Variants in NINL observed in about 807,000 individuals in gnomAD.
NINL encodes the protein ninein-like protein.
Under a neutral mutation model 160.3 loss-of-function variants are expected in NINL, and 153 were observed. That is an observed-to-expected ratio of 0.95 (90% CI 0.84 to 1.09). The LOEUF is 1.09. NINL is among the 50% of genes least tolerant of loss of function. NINL has a pLI of 0.00. For synonymous variants in NINL, 800 were observed against 734.8 expected, an observed-to-expected ratio of 1.09 and a Z score of -1.43; for missense variants, 1,829 against 1,764.0, an observed-to-expected ratio of 1.04 and a Z score of -0.66.
chr20:25,503,833 G>A, intron 7 of NINL, 119 bp downstream of exon 7: 1 of 1,223,370 alleles, frequency 8.2e-7, no homozygotes, highest in Non-Finnish European at 1.2e-6. Context: ...TGCATGGCCT[G>A]TCCAGTTCTT....
chr20:25,493,005 G>A (rs1268912336), intron 10 of NINL, among the ~76,000 whole-genome samples: 3 of 152,120 alleles, frequency 2.0e-5, no homozygotes, highest in Non-Finnish European at 4.4e-5. Context: ...AGCTCTCAGG[G>A]CCACGTGGGT....
chr20:25,490,360 A>G (rs1441515035), intron 11 of NINL, among the ~76,000 whole-genome samples: 1 of 152,130 alleles, frequency 6.6e-6, no homozygotes, highest in African/African-American at 2.4e-5. Context: ...GGAGATCAAG[A>G]CCATCCTGGC....
chr20:25,545,179 TG>T (rs1180404239), intron 1 of NINL, among the ~76,000 whole-genome samples: 1 of 152,192 alleles, frequency 6.6e-6, no homozygotes, highest in East Asian at 1.9e-4. Flanking sequence ...AGTAAGGGAA[TG>T]GTTCTATTCC....
intron 16 of NINL, among the ~76,000 whole-genome samples, chr20:25,478,538 C>T (rs781003825): frequency 3.3e-5 from 5 of 152,224 alleles, no homozygotes; most frequent in Non-Finnish European, 5.9e-5. Context: ...CTCACTAACC[C>T]CAGCTGGCCA....
intron 1 of NINL, among the ~76,000 whole-genome samples, chr20:25,548,227 C>G (rs2064759204): frequency 6.6e-6 from 1 of 152,196 alleles, no homozygotes; most frequent in Non-Finnish European, 1.5e-5. Flanking sequence ...GCTGCTTATG[C>G]TCTCTGGGCC....
intron 1 of NINL, among the ~76,000 whole-genome samples, chr20:25,537,351 G>A (rs59546510): frequency 0.095 from 14,538 of 152,258 alleles, 1,145 homozygotes; most frequent in African/African-American, 0.21. Flanking sequence ...CCAGAGGGCT[G>A]GGATTACAGG....
At chr20:25,464,596 CATG>C (rs921072780) in intron 19 of NINL, among the ~76,000 whole-genome samples, 2 of 152,332 alleles carry the variant, frequency 1.3e-5, no homozygotes, top group African/African-American at 2.4e-5. Context: ...CAGGCGCACA[CATG>C]ATGTCTTCCC....
chr20:25,461,377 G>A, intron 21 of NINL, 145 bp downstream of exon 21: 3 of 568,530 alleles, frequency 5.3e-6, no homozygotes, highest in Non-Finnish European at 9.2e-6. Flanking sequence ...CTTCGGTCCT[G>A]GCCCGGTAAG....
intron 1 of NINL, among the ~76,000 whole-genome samples, chr20:25,531,639 T>C (rs1011763681): frequency 3.3e-5 from 5 of 152,198 alleles, no homozygotes; most frequent in Non-Finnish European, 5.9e-5. Flanking sequence ...AGACAAAACC[T>C]CCTGCATCGA....
At chr20:25,489,426 C>T in intron 12 of NINL, 102 bp from the exon 13 acceptor site, 1 of 921,900 alleles carries the variant, frequency 1.1e-6, no homozygotes, top group South Asian at 1.3e-5. Context: ...CTTCTGCCAA[C>T]ACCAGGCGCT....
At position 25,470,434 on chromosome 20, in the gene NINL, A is replaced by G. The variant is rs1220612087; in HGVS notation, c.3249-339T>C. 2.6e-5 allele frequency among the ~76,000 whole-genome samples: 4 copies of G among 152,362 alleles called. No homozygotes were observed. In the East Asian group the frequency reaches 7.7e-4, roughly 29 times the overall value. Reference sequence around the variant, plus strand: ...TCACCAAACGTGTGTCCTGGTTGCCAGTGCTGGGCGTGAGTCCTCAGGTAC... The same window carrying G: ...TCACCAAACGTGTGTCCTGGTTGCCGGTGCTGGGCGTGAGTCCTCAGGTAC... On this transcript the variant is annotated intron_variant, in intron 17 of 23. Transcript: ENST00000278886.
rs771586359 is a variant in NINL, at chr20:25,476,967, C to A, written c.2324G>T (p.Arg775Met). ...CCTCTCCAGCTCCAGCTGCTCCGAC[C>A]TCTGGCTCCCGCGTGGCAGGGGTCC... Reference protein sequence around the residue: ...PQGPLPRGSQRSEQLELERAL... With the variant: ...PQGPLPRGSQMSEQLELERAL... Residue 775 changes from arginine (R) to methionine (M), a missense_variant, in exon 17 of 24, where the codon AGG (arginine) becomes ATG (methionine). Transcript: ENST00000278886. 16 of 1,607,976 alleles carry A rather than the reference C, an allele frequency of 1.0e-5. No homozygotes were observed. Among genetic ancestry groups the A allele is most frequent in the African/African-American group, 4.0e-5 (3 of 74,930 alleles).
intron 1 of NINL, among the ~76,000 whole-genome samples, chr20:25,529,156 C>A (rs2064407386): frequency 6.6e-6 from 1 of 152,070 alleles, no homozygotes; most frequent in Non-Finnish European, 1.5e-5. Flanking sequence ...AGCCTGTAGT[C>A]TCAGATTCTC....
chr20:25,478,337 C>T lies in NINL; in HGVS notation c.2201+586G>A, dbSNP rs1048415588. Among the ~76,000 whole-genome samples the T allele has an allele frequency of 3.3e-5, 5 of 152,298 alleles. No individual in the cohort carries two copies. The South Asian group carries it at 8.3e-4, about 25-fold the overall frequency. ...TCTAAGCCGGGGCCAATGCTCTCCA[C>T]AGGACAGTGGGTGCCAGCTGAGCAG... On this transcript the variant is annotated intron_variant, in intron 16 of 23. Coordinates refer to ENST00000278886, the MANE Select transcript of NINL (RefSeq NM_025176.6).
Position 25,542,857 on chromosome 20 carries a change from C to T in NINL, c.-11-16259G>A, listed in dbSNP as rs950626673. Among the ~76,000 whole-genome samples, 9 of 149,868 alleles carry T rather than the reference C, an allele frequency of 6.0e-5. 1 individual carries two copies. The South Asian group carries it at 1.9e-3, about 32-fold the overall frequency. On this transcript the variant is annotated intron_variant, in intron 1 of 23. Coordinates refer to ENST00000278886, the MANE Select transcript of NINL (RefSeq NM_025176.6). The stretch of plus-strand genomic sequence containing the variant: ...ACCAACCTGGTCAACATGGTGAAAC[C>T]CCCCCTCTCTACTAAAAACACAAAA...
chr20:25,485,863 C>G (rs1426296391), intron 13 of NINL, among the ~76,000 whole-genome samples: 2 of 152,206 alleles, frequency 1.3e-5, no homozygotes, highest in Admixed American at 6.5e-5. Flanking sequence ...CTTCAGTTGT[C>G]CTGTTCCTTT....
At chr20:25,567,954 T>A (rs1282749631) in intron 1 of NINL, among the ~76,000 whole-genome samples, 1 of 152,004 alleles carries the variant, frequency 6.6e-6, no homozygotes, top group African/African-American at 2.4e-5. Flanking sequence ...GGAAAATTTA[T>A]TATTAAATGC....
chr20:25,510,529 GGAA>G (rs1468530020), intron 5 of NINL, 142 bp downstream of exon 5: 3 of 777,640 alleles, frequency 3.9e-6, no homozygotes, highest in Non-Finnish European at 6.9e-6. Context: ...TCCTGCAGGA[GGAA>G]GAATCCAGCG....
At chr20:25,560,506 ATCC>A (rs1392773197) in intron 1 of NINL, among the ~76,000 whole-genome samples, 2 of 152,212 alleles carry the variant, frequency 1.3e-5, no homozygotes, top group African/African-American at 4.8e-5. Flanking sequence ...GGGCACAGGC[ATCC>A]TGACTGAGCC....
Sources: gnomAD v4.1 joint callset for allele counts (sites outside exome capture counted in the v4.1 genomes callset) on GRCh38, gnomAD v4.1.1 for gene constraint, MANE v1.5 for transcripts, NCBI Gene and HGNC (gene_info 2026-07-23, HGNC 2026-07-21) for gene names.